KIF21B: variants seen among roughly 807,000 people sequenced by gnomAD.
The protein encoded by KIF21B is kinesin family member 21B.
KIF21B carries 85 observed loss-of-function variants against 192.9 expected under a neutral mutation model. That is an observed-to-expected ratio of 0.44 (90% CI 0.37 to 0.53). The LOEUF is 0.53. Ranked by LOEUF, KIF21B falls within the 20% of genes least tolerant of loss-of-function variation. The pLI is 0.00. For synonymous variants in KIF21B, 832 were observed against 884.6 expected (o/e 0.94, Z 1.05); for missense variants, 1,716 against 2,194.8 (o/e 0.78, Z 4.36).
chr1:200,984,772 C>T (rs1656177280), intron 27 of KIF21B, 87 bp downstream of exon 27: 1 of 1,036,178 alleles, frequency 9.7e-7, no homozygotes, highest in African/African-American at 1.7e-5. Flanking sequence ...GGCTTGGCCA[C>T]CTGAGCCCTC....
At chr1:201,016,039 T>G (rs1346776169) in intron 1 of KIF21B, among the ~76,000 whole-genome samples, 1 of 152,196 alleles carries the variant, frequency 6.6e-6, no homozygotes, top group African/African-American at 2.4e-5. Context: ...CACGAACACA[T>G]GAAATGTGTT....
At chr1:201,001,130 T>C (rs955389772) in intron 9 of KIF21B, among the ~76,000 whole-genome samples, 6 of 142,592 alleles carry the variant, frequency 4.2e-5, no homozygotes, top group African/African-American at 1.6e-4. Flanking sequence ...AAAAAAAAGA[T>C]AAATAGCAGC....
rs768367799 is a variant in KIF21B at position 201,023,419 on chromosome 1, G to C, written c.-36C>G. On this transcript the variant is annotated 5_prime_UTR_variant, in exon 1 of 35. Coordinates refer to ENST00000461742, the MANE Select transcript of KIF21B (RefSeq NM_001252102.2). This position sits in a 1 kb window ranked among gnomAD's most constrained non-coding sequence, Gnocchi z 5.9. Reference sequence around the variant, plus strand: ...AGCTAGGGTCTGGGCGTGGATCAGAGGCGGGGGTCTGGGGGCCAATGCCCG... The same window carrying C: ...AGCTAGGGTCTGGGCGTGGATCAGACGCGGGGGTCTGGGGGCCAATGCCCG... The C allele has an allele frequency of 1.4e-6, 2 of 1,426,282 alleles. No individual in the cohort carries two copies. Among genetic ancestry groups the C allele is most frequent in the South Asian group, 2.9e-5 (2 of 69,954 alleles). 88.4% of individuals were successfully genotyped at this position (1,426,282 alleles called of 1,614,324 possible).
chr1:200,979,739 C>T, intron 29 of KIF21B, 24 bp from the exon 30 acceptor site: 1 of 1,490,210 alleles, frequency 6.7e-7, no homozygotes, highest in Non-Finnish European at 9.0e-7. Context: ...GAGGAAGCCA[C>T]AGGGAGGGGA....
At chr1:200,983,159 G>A (rs2102392603) in intron 27 of KIF21B, 65 bp from the exon 28 acceptor site, 1 of 1,399,020 alleles carries the variant, frequency 7.1e-7, no homozygotes. Flanking sequence ...GGGACGCAGA[G>A]GCGGCAGCAG....
At chr1:201,009,046 C>T (rs1658081701) in intron 2 of KIF21B, 95 bp from the exon 3 acceptor site, 1 of 1,406,288 alleles carries the variant, frequency 7.1e-7, no homozygotes, top group Non-Finnish European at 9.6e-7. Context: ...TCATCTACCT[C>T]CCAGCCCGGT....
intron 1 of KIF21B, among the ~76,000 whole-genome samples, chr1:201,020,808 T>TATACACACAC (rs1658775066): frequency 7.0e-6 from 1 of 142,816 alleles, no homozygotes; most frequent in African/African-American, 2.7e-5. Context: ...CTCTCTCCTC[T>TATACACACAC]ACACACACAC....
At chr1:200,977,135 G>T in intron 31 of KIF21B, 77 bp downstream of exon 31, 1 of 1,520,888 alleles carries the variant, frequency 6.6e-7, no homozygotes, top group Non-Finnish European at 8.9e-7. Flanking sequence ...ACCCTGGGGT[G>T]GGTCCCCCTG....
At chr1:200,980,469 C>T (rs1357142047) in intron 29 of KIF21B, among the ~76,000 whole-genome samples, 3 of 152,246 alleles carry the variant, frequency 2.0e-5, no homozygotes, top group African/African-American at 7.2e-5. Context: ...CGCAGGTAGT[C>T]TCAAACTCCT....
In KIF21B at chr1:201,005,577, C is replaced by T. The variant is rs771821901; in HGVS notation, c.565G>A (p.Val189Ile). ...TGGGAGTGGATGAGGCGAGAAGTGA[C>T]GCCAGTGGTGTAGATGCCACCGTTT... The part of the protein sequence containing the change: ...DANGGIYTTG[V>I]TSRLIHSQEE... The change falls in exon 4 of 35, where the codon GTC becomes ATC. Residue 189 changes from valine to isoleucine, a missense_variant. Physicochemically the swap from Val to Ile is conservative, Grantham distance 29. This residue lies in a region of KIF21B where 1,087 missense variants were observed against 1,316.6 expected (regional missense o/e 0.83). Coordinates refer to ENST00000461742, the MANE Select transcript of KIF21B (RefSeq NM_001252102.2). 1.7e-5 allele frequency: 27 copies of T among 1,613,948 alleles called. No homozygotes were observed. Among genetic ancestry groups the T allele is most frequent in the African/African-American group, 5.3e-5 (4 of 74,942 alleles).
At chr1:201,015,306 CCTA>C (rs1163093289) in intron 1 of KIF21B, among the ~76,000 whole-genome samples, 2 of 152,196 alleles carry the variant, frequency 1.3e-5, no homozygotes, top group Non-Finnish European at 2.9e-5. Flanking sequence ...CACCCTCTTC[CCTA>C]CCTCAAAGGC....
chr1:201,005,496 C>A (rs758743051), intron 4 of KIF21B, 49 bp downstream of exon 4: 4 of 1,597,338 alleles, frequency 2.5e-6, no homozygotes, highest in Non-Finnish European at 3.4e-6. Flanking sequence ...CCAGCCCCTG[C>A]CCTTTCAGGA....
Position 201,000,068 on chromosome 1 carries a change from C to A in KIF21B, c.1686-104G>T. On this transcript the variant is annotated intron_variant, in intron 11 of 34. Coordinates refer to ENST00000461742, the MANE Select transcript of KIF21B (RefSeq NM_001252102.2). The surrounding 1 kb of genome is among the most constrained non-coding windows in gnomAD (Gnocchi z 6.0). ...AGAAAAGGAAGGCTCTCACCAGAGG[C>A]CGGGGAGAGCACTGGCTCCTACTCT... 9.7e-7 allele frequency: 1 copy of A among 1,029,668 alleles called. No homozygotes were observed. Among genetic ancestry groups the A allele is most frequent in the Non-Finnish European group, 1.5e-6 (1 of 668,436 alleles). The allele number at this position is 1,029,668 out of a possible 1,614,324, so 63.8% of individuals were successfully genotyped here.
At chr1:200,988,054 G>C (rs906462593) in intron 24 of KIF21B, among the ~76,000 whole-genome samples, 2 of 152,236 alleles carry the variant, frequency 1.3e-5, no homozygotes, top group African/African-American at 4.8e-5. Context: ...GGTGGCAACA[G>C]AGGCTAGCGG....
At position 201,002,044 on chromosome 1, in the gene KIF21B, G is replaced by A. The variant is rs556206730; in HGVS notation, c.1402+117C>T. ...ATCAAGTGAAAAAAAATGCATAAATGAGTTGAACTATGAATTGACTGGCTG... is the reference window on the plus strand; with the variant it reads ...ATCAAGTGAAAAAAAATGCATAAATAAGTTGAACTATGAATTGACTGGCTG... On this transcript the variant is annotated intron_variant, in intron 9 of 34. Coordinates refer to ENST00000461742, the MANE Select transcript of KIF21B (RefSeq NM_001252102.2). The A allele has an allele frequency of 2.4e-4, 204 of 837,356 alleles. 1 individual carries two copies. The highest frequency in any genetic ancestry group is 1.5e-3 in the Admixed American group (63 of 41,478). The allele number at this position is 837,356 out of a possible 1,614,324, so 51.9% of individuals were successfully genotyped here.
chr1:200,995,843 G>A (rs565039294), intron 15 of KIF21B, among the ~76,000 whole-genome samples: 1 of 152,288 alleles, frequency 6.6e-6, no homozygotes, highest in East Asian at 1.9e-4. Context: ...CACCAAATGA[G>A]AGGCCTCATG....
rs562416675 is a variant in KIF21B, at chr1:201,017,993, G to C, written c.41+5350C>G. Among the ~76,000 whole-genome samples the C allele has an allele frequency of 3.9e-5, 6 of 152,126 alleles. No individual in the cohort carries two copies. The highest frequency in any genetic ancestry group is 1.4e-4 in the African/African-American group (6 of 41,418). ...GGATCTCTGGGGCCAAGGAAGAGCCGTTCCAGTCCAGCTTCCCTCATGGCA... is the reference window on the plus strand; with the variant it reads ...GGATCTCTGGGGCCAAGGAAGAGCCCTTCCAGTCCAGCTTCCCTCATGGCA... On this transcript the variant is annotated intron_variant, in intron 1 of 34. Transcript: ENST00000461742. The surrounding 1 kb of genome is among the most constrained non-coding windows in gnomAD (Gnocchi z 4.1).
At chr1:200,977,492 T>G in intron 30 of KIF21B, 116 bp from the exon 31 acceptor site, 1 of 1,263,002 alleles carries the variant, frequency 7.9e-7, no homozygotes, top group Non-Finnish European at 1.1e-6. Flanking sequence ...CAGGAAGTCT[T>G]CCTTGACTGA....
At position 200,988,763 on chromosome 1, in the gene KIF21B, T is replaced by C; in HGVS notation, c.3298+3A>G. ...GGCAGCTTCCAACCGCCCCTACCCG[T>C]ACCCTGCTGCACATTGTAGATGAGG... On this transcript the variant is annotated splice_donor_region_variant and intron_variant, in intron 22 of 34. Coordinates refer to ENST00000461742, the MANE Select transcript of KIF21B (RefSeq NM_001252102.2). The C allele has an allele frequency of 4.3e-6, 7 of 1,609,636 alleles. No homozygotes were observed. Among genetic ancestry groups the C allele is most frequent in the Non-Finnish European group, 5.9e-6 (7 of 1,177,292 alleles).
Sources: allele counts gnomAD v4.1 joint callset (sites outside exome capture counted in the v4.1 genomes callset), GRCh38; gene constraint gnomAD v4.1.1; regional missense constraint gnomAD v4.1.1; non-coding constraint Gnocchi (gnomAD v3.1); transcripts MANE v1.5; gene names NCBI Gene and HGNC (gene_info 2026-07-23, HGNC 2026-07-21).